GNAL: variants seen among roughly 807,000 people sequenced by gnomAD.
GNAL encodes the protein guanine nucleotide-binding protein G(olf) subunit alpha.
In GNAL, 18 loss-of-function variants were observed where a neutral mutation model predicts 55.1. That is an observed-to-expected ratio of 0.33 (90% CI 0.23 to 0.48). GNAL has a LOEUF of 0.48. GNAL is among the 20% of genes least tolerant of loss of function. GNAL has a pLI of 0.99. For synonymous variants in GNAL, 253 were observed against 237.0 expected, an observed-to-expected ratio of 1.07 and a Z score of -0.62; for missense variants, 412 against 614.1, an observed-to-expected ratio of 0.67 and a Z score of 3.48.
intron 4 of GNAL, among the ~76,000 whole-genome samples, chr18:11,771,933 C>A (rs1313821679): frequency 6.6e-6 from 1 of 151,998 alleles, no homozygotes; most frequent in Non-Finnish European, 1.5e-5. Flanking sequence ...GTTGGCCAGC[C>A]TGGTCTCGAA....
intron 4 of GNAL, among the ~76,000 whole-genome samples, chr18:11,814,898 C>CAAA (rs1260063707): frequency 5.8e-5 from 5 of 85,972 alleles, no homozygotes; most frequent in Non-Finnish European, 7.5e-5. Flanking sequence ...AACTCCATCT[C>CAAA]AAAAAAAAAA....
chr18:11,789,615 A>G (rs1020752844), intron 4 of GNAL, among the ~76,000 whole-genome samples: 34 of 152,270 alleles, frequency 2.2e-4, no homozygotes, highest in Admixed American at 1.2e-3. Flanking sequence ...GATTATAAGC[A>G]TAAACAAAAT....
At chr18:11,747,183 T>C in intron 1 of GNAL, 1 of 391,642 alleles carries the variant, frequency 2.6e-6, no homozygotes, top group South Asian at 2.3e-5. Flanking sequence ...ATTTTCTTCC[T>C]GTTACATGTC....
chr18:11,745,063 T>A (rs73397859), intron 1 of GNAL, among the ~76,000 whole-genome samples: 9,403 of 152,288 alleles, frequency 0.062, 422 homozygotes, highest in African/African-American at 0.12. Flanking sequence ...TTTTCATCTT[T>A]AATAACCTTT....
chr18:11,824,189 A>G (rs2035178355), intron 4 of GNAL, among the ~76,000 whole-genome samples: 1 of 151,338 alleles, frequency 6.6e-6, no homozygotes, highest in African/African-American at 2.4e-5. Flanking sequence ...CATAACTCAC[A>G]TAGAAAACGT....
At position 11,689,829 on chromosome 18, in the gene GNAL, C is replaced by T. The variant is rs761832554; in HGVS notation, c.266C>T (p.Ala89Val). The T allele has an allele frequency of 2.0e-6, 3 of 1,536,668 alleles. No homozygotes were observed. Among genetic ancestry groups the T allele is most frequent in the African/African-American group, 1.4e-5 (1 of 70,394 alleles). ...CTGAGTGCCGAGGAGCGCGAGGCGG[C>T]CAAGGAGCGCGAGGCGGTCAAGGAG... Reference protein sequence around the residue: ...EQLSAEEREAAKEREAVKEAR... With the variant: ...EQLSAEEREAVKEREAVKEAR... The change falls in exon 1 of 12, where the codon GCC becomes GTC. Residue 89 changes from alanine (A) to valine (V), a missense_variant. Around this residue, in one of 5 missense-constraint regions of GNAL, gnomAD observed 228 missense variants for 194.8 expected, o/e 1.17. Coordinates refer to ENST00000334049, the MANE Select transcript of GNAL (RefSeq NM_182978.4).
At chr18:11,758,861 T>G (rs770838594) in intron 4 of GNAL, among the ~76,000 whole-genome samples, 2 of 152,210 alleles carry the variant, frequency 1.3e-5, no homozygotes, top group Admixed American at 1.3e-4. Flanking sequence ...AAACATAGAT[T>G]AGCTGATCAT....
chr18:11,880,397 C>T (rs1010562879), intron 11 of GNAL, among the ~76,000 whole-genome samples: 13 of 151,884 alleles, frequency 8.6e-5, no homozygotes, highest in South Asian at 4.2e-4. Flanking sequence ...GGTGACACCC[C>T]GTCTCTACTA....
intron 5 of GNAL, among the ~76,000 whole-genome samples, chr18:11,837,851 T>C (rs1444534695): frequency 2.0e-5 from 3 of 152,170 alleles, no homozygotes; most frequent in African/African-American, 7.2e-5. Flanking sequence ...AATCAAAATG[T>C]GTAAACAGGC....
intron 4 of GNAL, among the ~76,000 whole-genome samples, chr18:11,812,131 A>G (rs1482427396): frequency 6.6e-6 from 1 of 152,232 alleles, no homozygotes; most frequent in East Asian, 1.9e-4. Flanking sequence ...GGGAAAAAAA[A>G]TACTTGAGGA....
intron 4 of GNAL, among the ~76,000 whole-genome samples, chr18:11,822,442 G>A (rs948796193): frequency 1.3e-5 from 2 of 152,086 alleles, no homozygotes; most frequent in African/African-American, 4.8e-5. Context: ...CCGTCTCTAG[G>A]AAAATACAAA....
At chr18:11,759,778 G>T (rs1159520761) in intron 4 of GNAL, among the ~76,000 whole-genome samples, 1 of 152,236 alleles carries the variant, frequency 6.6e-6, no homozygotes, top group East Asian at 1.9e-4. Context: ...CTCCTTGGGA[G>T]ATGTGTGCAG....
rs555413386 is a variant in GNAL, at chr18:11,750,088, G to C, written c.377-2765G>C. 4.6e-5 allele frequency among the ~76,000 whole-genome samples: 7 copies of C among 152,338 alleles called. No individual in the cohort carries two copies. In the East Asian group the frequency reaches 1.4e-3, roughly 29 times the overall value. Reference sequence around the variant, plus strand: ...TCTCTGTTAGTAATCTAAGACCACAGCAGTGGCAGACGCCACGGAAAGAAC... The same window carrying C: ...TCTCTGTTAGTAATCTAAGACCACACCAGTGGCAGACGCCACGGAAAGAAC... On this transcript the variant is annotated intron_variant, in intron 1 of 11. Transcript: ENST00000334049.
intron 5 of GNAL, among the ~76,000 whole-genome samples, chr18:11,861,974 A>ACACACACT (rs1337376786): frequency 6.6e-6 from 1 of 151,356 alleles, no homozygotes; most frequent in Admixed American, 6.6e-5. Flanking sequence ...ACACACACAC[A>ACACACACT]CACACACACA....
intron 5 of GNAL, among the ~76,000 whole-genome samples, chr18:11,837,127 T>C (rs975617693): frequency 2.6e-5 from 4 of 152,038 alleles, no homozygotes; most frequent in African/African-American, 9.7e-5. Flanking sequence ...TTAATTTTTG[T>C]ATTTTTAGAC....
At chr18:11,754,492 G>A (rs940063071) in intron 4 of GNAL, among the ~76,000 whole-genome samples, 4 of 151,880 alleles carry the variant, frequency 2.6e-5, no homozygotes, top group Admixed American at 6.6e-5. Context: ...GCTGATAATC[G>A]GGAAGGCAGC....
chr18:11,740,713 C>CAATA (rs1212323173), intron 1 of GNAL, among the ~76,000 whole-genome samples: 1 of 152,200 alleles, frequency 6.6e-6, no homozygotes, highest in Non-Finnish European at 1.5e-5. Flanking sequence ...CTCAACCATA[C>CAATA]AATACATCTA....
At chr18:11,788,906 A>ATAT (rs1555650621) in intron 4 of GNAL, among the ~76,000 whole-genome samples, 363 of 23,446 alleles carry the variant, frequency 0.015, 1 homozygote, top group Middle Eastern at 0.038. Flanking sequence ...CGAAAAAAAA[A>ATAT]AAAAAAAAAT....
intron 4 of GNAL, among the ~76,000 whole-genome samples, chr18:11,775,300 A>G (rs8098496): frequency 0.23 from 35,436 of 152,118 alleles, 4,338 homozygotes; most frequent in East Asian, 0.32. Flanking sequence ...TCCACACCTC[A>G]CCCATATGCA....
Sources: allele counts gnomAD v4.1 joint callset (sites outside exome capture counted in the v4.1 genomes callset), GRCh38; gene constraint gnomAD v4.1.1; regional missense constraint gnomAD v4.1.1; transcripts MANE v1.5; gene names NCBI Gene and HGNC (gene_info 2026-07-23, HGNC 2026-07-21).